The following ANO2 variants were observed in gnomAD, a reference collection of about 807,000 sequenced individuals.
ANO2 encodes anoctamin 2, also known as anoctamin-2.
In ANO2, 101 loss-of-function variants were observed where a neutral mutation model predicts 124.2. That is an observed-to-expected ratio of 0.81 (90% CI 0.69 to 0.96). The LOEUF (loss-of-function observed/expected upper bound fraction) is 0.96. ANO2 is among the 40% of genes least tolerant of loss of function. ANO2 has a pLI of 0.00. For missense variants in ANO2, 1,293 were observed against 1,274.5 expected (o/e 1.01, Z -0.22); for synonymous variants, 486 against 482.5 (o/e 1.01, Z -0.09).
At chr12:5,805,529 G>A (rs117650389) in intron 9 of ANO2, among the ~76,000 whole-genome samples, 1,834 of 152,238 alleles carry the variant, frequency 0.012, 20 homozygotes, top group South Asian at 0.034. Context: ...ATTTGGGAGT[G>A]GCTATACTCC....
At chr12:5,863,797 G>A (rs1955344298) in intron 3 of ANO2, among the ~76,000 whole-genome samples, 1 of 151,672 alleles carries the variant, frequency 6.6e-6, no homozygotes, top group Non-Finnish European at 1.5e-5. Context: ...AACTTTTTTT[G>A]TTTTAAAAAA....
chr12:5,739,793 C>T, intron 12 of ANO2: 1 of 441,328 alleles, frequency 2.3e-6, no homozygotes, highest in Non-Finnish European at 4.5e-6. Flanking sequence ...TCACCTTCAT[C>T]AGCACTGTCA....
At chr12:5,661,702 G>A (rs1488480658) in intron 14 of ANO2, among the ~76,000 whole-genome samples, 1 of 152,178 alleles carries the variant, frequency 6.6e-6, no homozygotes, top group African/African-American at 2.4e-5. Context: ...CACATGGGGG[G>A]CTTTTAAAAA....
At chr12:5,737,004 C>T (rs1274657285) in intron 13 of ANO2, among the ~76,000 whole-genome samples, 2 of 152,188 alleles carry the variant, frequency 1.3e-5, no homozygotes, top group African/African-American at 2.4e-5. Flanking sequence ...CAAAGAGCAC[C>T]CTGCTGGATG....
intron 23 of ANO2, among the ~76,000 whole-genome samples, chr12:5,567,196 G>C (rs534693707): frequency 6.6e-6 from 1 of 152,268 alleles, no homozygotes; most frequent in East Asian, 1.9e-4. Context: ...CACAGCTGCC[G>C]CAAGCTTGGT....
chr12:5,710,017 A>C (rs1035842860), intron 14 of ANO2, among the ~76,000 whole-genome samples: 1 of 152,230 alleles, frequency 6.6e-6, no homozygotes, highest in Non-Finnish European at 1.5e-5. Context: ...TGAGGATTCA[A>C]TAGGAGAGGA....
At chr12:5,750,721 G>T in intron 11 of ANO2, 115 bp downstream of exon 11, 2 of 1,097,068 alleles carry the variant, frequency 1.8e-6, no homozygotes, top group Non-Finnish European at 2.6e-6. Context: ...TAGCGAAGGA[G>T]AATGATAGAG....
rs1399183669 is a variant in ANO2, at chr12:5,635,584, A to T, written c.1621-237T>A. On this transcript the variant is annotated intron_variant, in intron 15 of 24. Transcript: ENST00000682330. The surrounding 1 kb of genome is among the most constrained non-coding windows in gnomAD (Gnocchi z 5.2). The stretch of plus-strand genomic sequence containing the variant: ...GGGAGAATGTCTTAATTTTTGTCAG[A>T]TTCCAAATGATTTATCACACACACA... 7.1e-6 allele frequency among the ~76,000 whole-genome samples: 1 copy of T among 141,834 alleles called. No homozygotes were observed. Among genetic ancestry groups the T allele is most frequent in the Non-Finnish European group, 1.5e-5 (1 of 66,120 alleles). The allele number at this position is 141,834 out of a possible 152,430, so 93.0% of individuals were successfully genotyped here. A position where few individuals can be genotyped will look rare whatever the true frequency, so the allele number is the denominator to read the frequency against.
At chr12:5,890,960 A>G (rs7298357) in intron 3 of ANO2, among the ~76,000 whole-genome samples, 87,448 of 151,878 alleles carry the variant, frequency 0.58, 26,610 homozygotes, top group Non-Finnish European at 0.67. Flanking sequence ...AATCTCCCAA[A>G]CTCACTTCAT....
chr12:5,739,547 G>T (rs1951011274), intron 12 of ANO2, 148 bp from the exon 13 acceptor site: 8 of 536,756 alleles, frequency 1.5e-5, no homozygotes, highest in Admixed American at 3.1e-5. Flanking sequence ...CCCACTTCTA[G>T]GTGAAACTGC....
intron 14 of ANO2, among the ~76,000 whole-genome samples, chr12:5,650,136 A>G (rs756834216): frequency 3.9e-5 from 6 of 152,126 alleles, no homozygotes; most frequent in Non-Finnish European, 7.4e-5. Context: ...AACAGTGCCA[A>G]TGGGCCAGGC....
At chr12:5,819,844 G>A (rs1307692550) in intron 7 of ANO2, among the ~76,000 whole-genome samples, 1 of 135,852 alleles carries the variant, frequency 7.4e-6, no homozygotes, top group Non-Finnish European at 1.7e-5. Context: ...AAGTGGCAGG[G>A]GCCAAGTGGC....
intron 3 of ANO2, among the ~76,000 whole-genome samples, chr12:5,897,257 G>A (rs548858976): frequency 2.0e-5 from 3 of 152,210 alleles, no homozygotes; most frequent in African/African-American, 7.2e-5. Flanking sequence ...ATAGCATCAG[G>A]GAAAATGGTG....
chr12:5,830,573 CT>C, intron 5 of ANO2, 84 bp from the exon 6 acceptor site: 1 of 1,268,164 alleles, frequency 7.9e-7, no homozygotes, highest in Non-Finnish European at 1.1e-6. Context: ...CACAACAAAT[CT>C]TTAGAAAGCA....
intron 10 of ANO2, among the ~76,000 whole-genome samples, chr12:5,772,757 C>A (rs967594510): frequency 6.6e-6 from 1 of 152,192 alleles, no homozygotes; most frequent in South Asian, 2.1e-4. Context: ...TGCAAGTGAA[C>A]TTTACAGTAC....
chr12:5,565,703 T>A (rs367720215), intron 23 of ANO2, 40 bp from the exon 24 acceptor site: 1 of 1,502,716 alleles, frequency 6.7e-7, no homozygotes, highest in Admixed American at 2.1e-5. Flanking sequence ...CAGGAGCGCA[T>A]GGAGAAAAGG....
chr12:5,620,506 CAGGAGTTGAATTGGAATTCTAT>C (rs1210133942), intron 16 of ANO2, among the ~76,000 whole-genome samples: 1 of 151,984 alleles, frequency 6.6e-6, no homozygotes, highest in African/African-American at 2.4e-5. Context: ...TGGAATTCTA[CAGGAGTTGAATTGGAATTCTAT>C]AGGGGCTAAA....
intron 7 of ANO2, among the ~76,000 whole-genome samples, chr12:5,813,303 C>A (rs1171799739): frequency 1.3e-5 from 2 of 152,200 alleles, no homozygotes; most frequent in Non-Finnish European, 2.9e-5. Context: ...ACTTCATATT[C>A]CCAAGTGTAA....
chr12:5,611,304 C>T (rs1254770980), intron 19 of ANO2, among the ~76,000 whole-genome samples: 2 of 152,152 alleles, frequency 1.3e-5, no homozygotes, highest in African/African-American at 4.8e-5. Flanking sequence ...TCTTTGACTG[C>T]TCCCAAACTC....
Sources: allele counts gnomAD v4.1 joint callset (sites outside exome capture counted in the v4.1 genomes callset), GRCh38; gene constraint gnomAD v4.1.1; non-coding constraint Gnocchi (gnomAD v3.1); transcripts MANE v1.5; gene names NCBI Gene and HGNC (gene_info 2026-07-23, HGNC 2026-07-21).